Variants in MAN1A2 observed in about 807,000 individuals in gnomAD.
MAN1A2 encodes the protein mannosyl-oligosaccharide 1,2-alpha-mannosidase IB.
MAN1A2 carries 26 observed loss-of-function variants against 75.7 expected under a neutral mutation model. That is an observed-to-expected ratio of 0.34 (90% confidence interval 0.25 to 0.48). The LOEUF (loss-of-function observed/expected upper bound fraction) is 0.48. Ranked by LOEUF, MAN1A2 falls within the 20% of genes least tolerant of loss-of-function variation. The pLI is 0.99. For missense variants in MAN1A2, 562 were observed against 775.5 expected, an observed-to-expected ratio of 0.72 and a Z score of 3.27; for synonymous variants, 247 against 264.6, an observed-to-expected ratio of 0.93 and a Z score of 0.65.
At chr1:117,522,238 A>G (rs1297020045) in intron 12 of MAN1A2, among the ~76,000 whole-genome samples, 1 of 151,906 alleles carries the variant, frequency 6.6e-6, no homozygotes, top group African/African-American at 2.4e-5. Flanking sequence ...GAACATAGAT[A>G]GAACTAAACA....
intron 8 of MAN1A2, among the ~76,000 whole-genome samples, chr1:117,471,129 G>A (rs1020313331): frequency 5.3e-5 from 8 of 151,110 alleles, no homozygotes; most frequent in Non-Finnish European, 1.2e-4. Context: ...AGTCATTACT[G>A]ATTCATTGTT....
At chr1:117,445,596 A>G (rs1240151508) in intron 6 of MAN1A2, among the ~76,000 whole-genome samples, 1 of 151,924 alleles carries the variant, frequency 6.6e-6, no homozygotes, top group African/African-American at 2.4e-5. Flanking sequence ...GCACAATCAC[A>G]GCTCACTGCA....
intron 9 of MAN1A2, among the ~76,000 whole-genome samples, chr1:117,495,202 G>C (rs1222075699): frequency 6.6e-6 from 1 of 151,378 alleles, no homozygotes; most frequent in Non-Finnish European, 1.5e-5. Context: ...AAATATTTCT[G>C]TACTTGCTTT....
At position 117,524,058 on chromosome 1, in the gene MAN1A2, T is replaced by C. The variant is rs1424440333; in HGVS notation, c.*1101T>C. ...TCTGGAATAGGGACAGGGGATCTTT[T>C]ATTTATAATCTCATCAGATGAGTGA... On this transcript the variant is annotated 3_prime_UTR_variant, in exon 13 of 13. Transcript: ENST00000356554. 6.6e-6 allele frequency: 1 copy of C among 152,278 alleles called. No homozygotes were observed. Among genetic ancestry groups the C allele is most frequent in the African/African-American group, 2.4e-5 (1 of 41,408 alleles). The allele number at this position is 152,278 out of a possible 1,614,324, so 9.4% of individuals were successfully genotyped here. A position where few individuals can be genotyped will look rare whatever the true frequency, so the allele number is the denominator to read the frequency against.
In MAN1A2 at chr1:117,437,546, A is replaced by AGT. The variant is rs906356619; in HGVS notation, c.856-4677_856-4676dup. On this transcript the variant is annotated intron_variant, in intron 5 of 12. Coordinates refer to ENST00000356554, the MANE Select transcript of MAN1A2 (RefSeq NM_006699.5). Reference sequence around the variant, plus strand: ...AAGATTAGATAATGCAAGGTGTAGGAGTGTGTGTGCGTGTGTGTGTGTGGT... The same window carrying AGT: ...AAGATTAGATAATGCAAGGTGTAGGAGTGTGTGTGTGCGTGTGTGTGTGTGGT... Among the ~76,000 whole-genome samples the AGT allele has an allele frequency of 4.6e-5, 7 of 152,086 alleles. No individual in the cohort carries two copies. The South Asian group carries it at 6.2e-4, about 14-fold the overall frequency.
chr1:117,393,485 TTTG>T (rs1653799643), intron 1 of MAN1A2, among the ~76,000 whole-genome samples: 1 of 151,674 alleles, frequency 6.6e-6, no homozygotes, highest in African/African-American at 2.4e-5. Context: ...TATTTTTTTT[TTTG>T]TGTGTGTGTG....
chr1:117,470,200 A>C (rs1365070195), intron 8 of MAN1A2, among the ~76,000 whole-genome samples: 1 of 152,188 alleles, frequency 6.6e-6, no homozygotes. Flanking sequence ...GCTAATCAAC[A>C]AAAGCCAGTC....
chr1:117,369,674 CTAAGT>C (rs1175122362), intron 1 of MAN1A2, among the ~76,000 whole-genome samples: 2 of 152,060 alleles, frequency 1.3e-5, no homozygotes, highest in African/African-American at 2.4e-5. Flanking sequence ...TCTTTTGTAA[CTAAGT>C]TAATTTGGAA....
At chr1:117,515,095 A>C (rs1255450322) in intron 12 of MAN1A2, 2 of 268,546 alleles carry the variant, frequency 7.4e-6, no homozygotes, top group Non-Finnish European at 1.5e-5. Context: ...GACAAATTTA[A>C]TAAAAGTACA....
intron 5 of MAN1A2, among the ~76,000 whole-genome samples, chr1:117,434,640 T>C (rs941174245): frequency 3.3e-5 from 5 of 152,112 alleles, no homozygotes; most frequent in African/African-American, 1.2e-4. Flanking sequence ...TCTGTTACCA[T>C]AGGATAAAAT....
intron 8 of MAN1A2, among the ~76,000 whole-genome samples, chr1:117,478,920 T>A (rs1650403142): frequency 6.6e-6 from 1 of 151,974 alleles, no homozygotes; most frequent in African/African-American, 2.4e-5. Context: ...TTCTTTTTTT[T>A]TCTTCTTCAA....
chr1:117,442,357 G>A (rs1649064833), intron 6 of MAN1A2, 32 bp downstream of exon 6: 1 of 1,413,826 alleles, frequency 7.1e-7, no homozygotes, highest in Non-Finnish European at 1.0e-6. Context: ...TATTCTGGAA[G>A]AATTATTTTG....
rs989298442 is a variant in MAN1A2, at chr1:117,528,742, A to G, written c.*5785A>G. 5.3e-5 allele frequency: 8 copies of G among 152,106 alleles called. No homozygotes were observed. Among genetic ancestry groups the G allele is most frequent in the African/African-American group, 1.7e-4 (7 of 41,428 alleles). The allele number at this position is 152,106 out of a possible 1,614,324, so 9.4% of individuals were successfully genotyped here. A position where few individuals can be genotyped will look rare whatever the true frequency, so the allele number is the denominator to read the frequency against. Reference sequence around the variant, plus strand: ...TTAAACTAATAAGTGGGGTAAGTATAATCTCCTAAATTGGTACCCACTGGC... The same window carrying G: ...TTAAACTAATAAGTGGGGTAAGTATGATCTCCTAAATTGGTACCCACTGGC... On this transcript the variant is annotated 3_prime_UTR_variant, in exon 13 of 13. Coordinates refer to ENST00000356554, the MANE Select transcript of MAN1A2 (RefSeq NM_006699.5).
At chr1:117,435,037 G>T (rs1305450888) in intron 5 of MAN1A2, among the ~76,000 whole-genome samples, 2 of 151,974 alleles carry the variant, frequency 1.3e-5, no homozygotes, top group African/African-American at 4.8e-5. Flanking sequence ...AATGCTTAAA[G>T]AATACTAGAT....
chr1:117,523,126 A>G lies in MAN1A2; in HGVS notation c.*169A>G. On this transcript the variant is annotated 3_prime_UTR_variant, in exon 13 of 13. Transcript: ENST00000356554. ...TTGTAGATACATCAACTTTGAAATT[A>G]TTCCATTTTATACCTGACCAAAACA... 1.3e-6 allele frequency: 1 copy of G among 745,770 alleles called. No homozygotes were observed. The highest frequency in any genetic ancestry group is 2.7e-5 in the East Asian group (1 of 37,618). 46.2% of individuals were successfully genotyped at this position (745,770 alleles called of 1,614,324 possible).
chr1:117,496,002 A>T (rs951173324), intron 9 of MAN1A2, among the ~76,000 whole-genome samples: 1 of 151,984 alleles, frequency 6.6e-6, no homozygotes, highest in African/African-American at 2.4e-5. Flanking sequence ...AATACAGGTG[A>T]TGAGTAAGAC....
At chr1:117,476,459 G>A (rs956797162) in intron 8 of MAN1A2, among the ~76,000 whole-genome samples, 22 of 151,780 alleles carry the variant, frequency 1.4e-4, no homozygotes, top group Non-Finnish European at 3.2e-4. Flanking sequence ...TGGTATTGCC[G>A]AGGTTTTCTT....
chr1:117,431,809 G>A (rs938146293), intron 5 of MAN1A2, among the ~76,000 whole-genome samples: 2 of 152,154 alleles, frequency 1.3e-5, no homozygotes, highest in Non-Finnish European at 2.9e-5. Context: ...AATTAGCCGA[G>A]TGTGGTAGCA....
At position 117,527,267 on chromosome 1, in the gene MAN1A2, T is replaced by C. The variant is rs1007907882; in HGVS notation, c.*4310T>C. On this transcript the variant is annotated 3_prime_UTR_variant, in exon 13 of 13. Transcript: ENST00000356554. ...CTGCTGTTGAAGTATCGAAAACAGATAGAGATACTATGTAAAGAATGGGCG... is the reference window on the plus strand; with the variant it reads ...CTGCTGTTGAAGTATCGAAAACAGACAGAGATACTATGTAAAGAATGGGCG... 3.3e-5 allele frequency: 5 copies of C among 151,816 alleles called. No individual in the cohort carries two copies. The highest frequency in any genetic ancestry group is 1.2e-4 in the African/African-American group (5 of 41,386). 9.4% of individuals were successfully genotyped at this position (151,816 alleles called of 1,614,324 possible).
Sources: gnomAD v4.1 joint callset for allele counts (sites outside exome capture counted in the v4.1 genomes callset) on GRCh38, gnomAD v4.1.1 for gene constraint, MANE v1.5 for transcripts, NCBI Gene and HGNC (gene_info 2026-07-23, HGNC 2026-07-21) for gene names.